TENM2: variants seen among roughly 807,000 people sequenced by gnomAD.
The protein encoded by TENM2 is teneurin transmembrane protein 2.
A neutral mutation model predicts 245.2 loss-of-function variants in TENM2; 52 were observed. The ratio of observed to expected loss-of-function variants is 0.21; its 90% CI spans 0.17 to 0.27. The LOEUF (loss-of-function observed/expected upper bound fraction) is 0.27. Among genes scored for constraint, TENM2 ranks in the 10% least tolerant of loss-of-function variants. TENM2 has a pLI of 1.00. For synonymous variants in TENM2, 1,363 were observed against 1,438.9 expected, an observed-to-expected ratio of 0.95 and a Z score of 1.19; for missense variants, 3,046 against 3,666.8, an observed-to-expected ratio of 0.83 and a Z score of 4.37.
At chr5:167,649,298 C>A (rs1780179565) in intron 2 of TENM2, among the ~76,000 whole-genome samples, 1 of 152,130 alleles carries the variant, frequency 6.6e-6, no homozygotes, top group Non-Finnish European at 1.5e-5. Flanking sequence ...AGTTAACATC[C>A]TCCAAGTTGA....
At chr5:168,160,645 A>G (rs562492505) in intron 12 of TENM2, among the ~76,000 whole-genome samples, 1 of 152,314 alleles carries the variant, frequency 6.6e-6, no homozygotes, top group Non-Finnish European at 1.5e-5. Flanking sequence ...GCAAGCACTG[A>G]AGAGTGAAAC....
At chr5:167,532,342 TTTCAAGTTGCTAATAAAGA>T (rs1181956717) in intron 2 of TENM2, among the ~76,000 whole-genome samples, 1 of 152,020 alleles carries the variant, frequency 6.6e-6, no homozygotes, top group Non-Finnish European at 1.5e-5. Context: ...ATTAGCCCGT[TTTCAAGTTGCTAATAAAGA>T]CATACCCGAG....
chr5:167,375,982 G>C (rs1048186044), intron 2 of TENM2, among the ~76,000 whole-genome samples: 15 of 152,094 alleles, frequency 9.9e-5, no homozygotes, highest in Non-Finnish European at 2.9e-5. Flanking sequence ...TGACAAATAG[G>C]AAGAGACTTG....
intron 6 of TENM2, among the ~76,000 whole-genome samples, chr5:168,055,141 T>A (rs569808532): frequency 1.3e-5 from 2 of 152,286 alleles, no homozygotes; most frequent in South Asian, 4.2e-4. Flanking sequence ...CTTCTCTTGA[T>A]GCCCCTAATT....
chr5:167,146,089 G>A, the TENM2 span, among the ~76,000 whole-genome samples: 26 of 152,084 alleles, frequency 1.7e-4, no homozygotes, highest in Non-Finnish European at 3.5e-4. Context: ...TGGAACAAAG[G>A]CAGCCTGATC....
the TENM2 span, among the ~76,000 whole-genome samples, chr5:167,047,852 T>A: frequency 1.3e-5 from 2 of 152,138 alleles, no homozygotes; most frequent in Non-Finnish European, 2.9e-5. Flanking sequence ...AACTACTACA[T>A]CAGGGAACAA....
At chr5:167,373,243 T>C (rs1324804516) in intron 1 of TENM2, among the ~76,000 whole-genome samples, 3 of 152,216 alleles carry the variant, frequency 2.0e-5, no homozygotes, top group Non-Finnish European at 4.4e-5. Flanking sequence ...AAGACATATG[T>C]CTATTACAAA....
At chr5:167,281,869 G>C (rs955501956), upstream of TENM2, among the ~76,000 whole-genome samples, 1 of 151,810 alleles carries the variant, frequency 6.6e-6, no homozygotes, top group Non-Finnish European at 1.5e-5. Flanking sequence ...GTGTGGTGGT[G>C]GGTACCTGTA....
At chr5:168,035,034 G>A (rs1787537189) in intron 5 of TENM2, among the ~76,000 whole-genome samples, 1 of 152,178 alleles carries the variant, frequency 6.6e-6, no homozygotes, top group African/African-American at 2.4e-5. Context: ...GAATTGAGAT[G>A]TGCTGTTAAC....
At chr5:168,062,112 T>C (rs1790096812) in exon 7 of TENM2, 2 of 1,612,904 alleles carry the variant, frequency 1.2e-6, no homozygotes, top group African/African-American at 1.3e-5. Flanking sequence ...CAGAAGTTGG[T>C]CGGCGGGTAA....
downstream of TENM2, chr5:168,263,183 AAAAACAAAAC>A (rs762787425): frequency 5.5e-6 from 1 of 181,652 alleles, no homozygotes; most frequent in Non-Finnish European, 1.2e-5. Context: ...GAAAACAAAC[AAAAACAAAAC>A]AAAACAAACA....
At chr5:167,124,587 T>C in the TENM2 span, among the ~76,000 whole-genome samples, 16 of 152,332 alleles carry the variant, frequency 1.1e-4, no homozygotes, top group Admixed American at 2.0e-4. Context: ...CAATACACTA[T>C]TCGCTCTTTC....
the TENM2 span, among the ~76,000 whole-genome samples, chr5:167,007,259 A>G: frequency 6.6e-6 from 1 of 152,194 alleles, no homozygotes; most frequent in Non-Finnish European, 1.5e-5. The surrounding 1 kb of genome is among the most constrained non-coding windows in gnomAD (Gnocchi z 4.2). Flanking sequence ...AGGATCACAA[A>G]TATAAACATA....
At chr5:167,695,479 TG>T (rs1045567593) in intron 2 of TENM2, among the ~76,000 whole-genome samples, 3 of 152,082 alleles carry the variant, frequency 2.0e-5, no homozygotes, top group African/African-American at 7.2e-5. Flanking sequence ...AAACAATCCT[TG>T]GGCCAGTTTG....
At chr5:168,206,546 C>T (rs1008123927) in intron 19 of TENM2, among the ~76,000 whole-genome samples, 6 of 152,168 alleles carry the variant, frequency 3.9e-5, no homozygotes, top group Middle Eastern at 6.3e-3. Flanking sequence ...GAGGAGGGGG[C>T]ATGGTAACCA....
chr5:168,002,807 A>G (rs545013701), intron 5 of TENM2, among the ~76,000 whole-genome samples: 86 of 152,312 alleles, frequency 5.6e-4, no homozygotes, highest in African/African-American at 1.9e-3. Flanking sequence ...TATTCATTCA[A>G]TGCTTTTCCA....
At chr5:167,799,200 G>T (rs1256203151) in intron 2 of TENM2, among the ~76,000 whole-genome samples, 2 of 152,188 alleles carry the variant, frequency 1.3e-5, no homozygotes, top group Admixed American at 6.5e-5. Flanking sequence ...AGGGTAAATG[G>T]CAGAGCCTTC....
chr5:168,254,963 C>T (rs950355882), intron 27 of TENM2, among the ~76,000 whole-genome samples: 2 of 151,872 alleles, frequency 1.3e-5, no homozygotes, highest in Non-Finnish European at 2.9e-5. Flanking sequence ...AGGAGAATCT[C>T]TTGAACCTGG....
the TENM2 span, among the ~76,000 whole-genome samples, chr5:167,258,241 A>ACG: frequency 6.9e-6 from 1 of 144,670 alleles, no homozygotes; most frequent in African/African-American, 2.5e-5. Flanking sequence ...ATATATATAT[A>ACG]TGTATATATA....
Sources: allele counts gnomAD v4.1 joint callset (sites outside exome capture counted in the v4.1 genomes callset), GRCh38; gene constraint gnomAD v4.1.1; non-coding constraint Gnocchi (gnomAD v3.1); transcripts MANE v1.5; gene names NCBI Gene and HGNC (gene_info 2026-07-23, HGNC 2026-07-21).